CTNNA3: variants seen among roughly 807,000 people sequenced by gnomAD.
The protein encoded by CTNNA3 is catenin alpha-3.
Under a neutral mutation model 95.7 loss-of-function variants are expected in CTNNA3, and 76 were observed. That is an observed-to-expected ratio of 0.79 (90% CI 0.66 to 0.96). CTNNA3 has a LOEUF of 0.96. CTNNA3 is among the 40% of genes least tolerant of loss of function. The pLI is 0.00. For missense variants in CTNNA3, 1,191 were observed against 1,089.8 expected (o/e 1.09, Z -1.31); for synonymous variants, 431 against 374.4 (o/e 1.15, Z -1.74).
At chr10:67,201,813 T>G (rs1217059684) in intron 6 of CTNNA3, among the ~76,000 whole-genome samples, 1 of 152,330 alleles carries the variant, frequency 6.6e-6, no homozygotes, top group East Asian at 1.9e-4. Context: ...CACGATCAGC[T>G]ACGTGATTTG....
intron 2 of CTNNA3, among the ~76,000 whole-genome samples, chr10:67,618,735 TATG>T (rs1168796921): frequency 6.6e-6 from 1 of 152,200 alleles, no homozygotes; most frequent in Non-Finnish European, 1.5e-5. Flanking sequence ...GCAACCAAAA[TATG>T]ATTTAAATAT....
chr10:66,773,707 G>C (rs1169701792), intron 8 of CTNNA3, among the ~76,000 whole-genome samples: 2 of 152,158 alleles, frequency 1.3e-5, no homozygotes, highest in African/African-American at 4.8e-5. Context: ...TGAAACAATG[G>C]AGATGTTAAC....
At chr10:65,999,861 G>A (rs1336026097) in intron 15 of CTNNA3, among the ~76,000 whole-genome samples, 1 of 150,558 alleles carries the variant, frequency 6.6e-6, no homozygotes, top group East Asian at 2.0e-4. Flanking sequence ...AAGGGTTAGA[G>A]ATTGAAAATA....
chr10:66,615,997 T>C (rs1305993676), intron 10 of CTNNA3, among the ~76,000 whole-genome samples: 1 of 152,038 alleles, frequency 6.6e-6, no homozygotes, highest in African/African-American at 2.4e-5. Context: ...TCAGTATTCT[T>C]CCAAGTCACT....
At chr10:67,309,576 A>G (rs1034167343) in intron 5 of CTNNA3, among the ~76,000 whole-genome samples, 4 of 152,138 alleles carry the variant, frequency 2.6e-5, no homozygotes, top group African/African-American at 7.2e-5. Flanking sequence ...TGATGTGTAC[A>G]TGTGTGTTTG....
At chr10:67,266,738 T>C (rs76819247) in intron 5 of CTNNA3, among the ~76,000 whole-genome samples, 145 of 152,274 alleles carry the variant, frequency 9.5e-4, no homozygotes, top group African/African-American at 3.4e-3. Context: ...TTAAGATCTA[T>C]GTCACAGCAG....
chr10:66,777,797 ATG>A (rs72102693), intron 7 of CTNNA3, among the ~76,000 whole-genome samples: 901 of 64,648 alleles, frequency 0.014, 4 homozygotes, highest in Middle Eastern at 0.021. Context: ...ACACACACAC[ATG>A]CACACACACA....
intron 7 of CTNNA3, among the ~76,000 whole-genome samples, chr10:66,904,139 A>AACCAAAACAGCATGGTACTGGT (rs1845882257): frequency 1.3e-5 from 2 of 152,212 alleles, no homozygotes; most frequent in South Asian, 4.1e-4. Context: ...AGGCAACAGT[A>AACCAAAACAGCATGGTACTGGT]ACCAAAACAG....
At chr10:67,429,691 T>G (rs949286596) in intron 5 of CTNNA3, among the ~76,000 whole-genome samples, 3 of 151,960 alleles carry the variant, frequency 2.0e-5, no homozygotes, top group Non-Finnish European at 4.4e-5. Flanking sequence ...ATTGTGTAGG[T>G]TTTTTTCTAC....
intron 7 of CTNNA3, among the ~76,000 whole-genome samples, chr10:66,970,276 G>A (rs1849645215): frequency 6.6e-6 from 1 of 151,996 alleles, no homozygotes; most frequent in Admixed American, 6.6e-5. Context: ...ATGGCTATTG[G>A]GATTTCTTTA....
intron 10 of CTNNA3, among the ~76,000 whole-genome samples, chr10:66,540,170 A>G (rs2631213): frequency 0.71 from 108,682 of 152,044 alleles, 40,374 homozygotes; most frequent in Non-Finnish European, 0.8. Flanking sequence ...TAATCTATTT[A>G]GGATGGCAGG....
intron 7 of CTNNA3, among the ~76,000 whole-genome samples, chr10:66,874,731 GAGGTATTTGACCA>G (rs1485776200): frequency 1.3e-5 from 2 of 152,276 alleles, no homozygotes; most frequent in Middle Eastern, 6.8e-3. Context: ...TCTACCAAAA[GAGGTATTTGACCA>G]AGTGAAGTAC....
At chr10:67,305,084 T>C (rs147755074) in intron 5 of CTNNA3, among the ~76,000 whole-genome samples, 2 of 151,940 alleles carry the variant, frequency 1.3e-5, no homozygotes, top group Non-Finnish European at 2.9e-5. Context: ...AGACCATCCT[T>C]GCTAACACAG....
rs925102914 is a variant in CTNNA3, at chr10:67,527,165, G to A, written c.460-5204C>T. Among the ~76,000 whole-genome samples, 21 of 152,164 alleles carry A rather than the reference G, an allele frequency of 1.4e-4. 1 individual carries two copies. Among genetic ancestry groups the A allele is most frequent in the African/African-American group, 4.3e-4 (18 of 41,426 alleles). On this transcript the variant is annotated intron_variant, in intron 4 of 17. Coordinates refer to ENST00000433211, the MANE Select transcript of CTNNA3 (RefSeq NM_013266.4). Reference sequence around the variant, plus strand: ...CCAGTTACTTGTGAGGCTGAGGCAAGAGAATTGCTTGAGCCCAGGAGGCAG... The same window carrying A: ...CCAGTTACTTGTGAGGCTGAGGCAAAAGAATTGCTTGAGCCCAGGAGGCAG...
chr10:66,210,183 G>C (rs2088046508), intron 13 of CTNNA3, among the ~76,000 whole-genome samples: 2 of 151,626 alleles, frequency 1.3e-5, no homozygotes, highest in African/African-American at 4.9e-5. Flanking sequence ...GGAATCTTTA[G>C]GCATTAAAAA....
intron 7 of CTNNA3, among the ~76,000 whole-genome samples, chr10:66,976,144 A>C (rs1339362860): frequency 2.0e-5 from 3 of 152,190 alleles, no homozygotes; most frequent in Admixed American, 6.5e-5. Flanking sequence ...TTTGTAAAAC[A>C]TATGTTCTTG....
At chr10:66,670,250 G>T (rs929890684) in intron 9 of CTNNA3, among the ~76,000 whole-genome samples, 21 of 152,118 alleles carry the variant, frequency 1.4e-4, no homozygotes, top group African/African-American at 4.8e-4. Flanking sequence ...CTATAGGTCA[G>T]AAATCTGGCT....
At chr10:66,436,951 T>C (rs1173015672) in intron 11 of CTNNA3, among the ~76,000 whole-genome samples, 2 of 152,152 alleles carry the variant, frequency 1.3e-5, no homozygotes, top group Non-Finnish European at 2.9e-5. Flanking sequence ...TTATGAAGCT[T>C]AGTTTGGCTG....
chr10:67,163,071 C>T (rs1415017392), intron 7 of CTNNA3, among the ~76,000 whole-genome samples: 7 of 151,892 alleles, frequency 4.6e-5, no homozygotes, highest in Non-Finnish European at 1.5e-5. Flanking sequence ...ACATATGTAA[C>T]ACCTGTTCTA....
Sources: allele counts gnomAD v4.1 joint callset (sites outside exome capture counted in the v4.1 genomes callset), GRCh38; gene constraint gnomAD v4.1.1; transcripts MANE v1.5; gene names NCBI Gene and HGNC (gene_info 2026-07-23, HGNC 2026-07-21).